AFF3: variants seen among roughly 807,000 people sequenced by gnomAD.
The protein encoded by AFF3 is AF4/FMR2 family member 3.
Under a neutral mutation model 129.7 loss-of-function variants are expected in AFF3, and 32 were observed. That is an observed-to-expected ratio of 0.25 (90% confidence interval 0.19 to 0.33). The LOEUF (loss-of-function observed/expected upper bound fraction) is 0.33, where lower values mean the gene tolerates loss of function less well. Among genes scored for constraint, AFF3 ranks in the 10% least tolerant of loss-of-function variants. AFF3 has a pLI of 1.00. For missense variants in AFF3, 1,373 were observed against 1,592.0 expected (o/e 0.86, Z 2.34); for synonymous variants, 644 against 635.4 (o/e 1.01, Z -0.20).
intron 17 of AFF3, among the ~76,000 whole-genome samples, chr2:99,581,853 G>GTTTT (rs1197222142): frequency 3.3e-5 from 4 of 121,560 alleles, no homozygotes; most frequent in Non-Finnish European, 6.8e-5. Flanking sequence ...AGGTGTTGGA[G>GTTTT]TTTTTTTTTT....
intron 12 of AFF3, 114 bp from the exon 13 acceptor site, chr2:99,649,780 C>T (rs1442047838): frequency 8.8e-7 from 1 of 1,139,396 alleles, no homozygotes; most frequent in South Asian, 1.3e-5. Flanking sequence ...GCCATGTGGC[C>T]AAATTTTAAA....
chr2:99,786,595 G>T (rs1684808810), intron 8 of AFF3, among the ~76,000 whole-genome samples: 2 of 152,180 alleles, frequency 1.3e-5, no homozygotes, highest in South Asian at 4.1e-4. Flanking sequence ...GCTCTGCCCA[G>T]AAATCAGGGG....
intron 11 of AFF3, among the ~76,000 whole-genome samples, chr2:99,686,023 C>T (rs1245274957): frequency 2.6e-5 from 4 of 151,894 alleles, no homozygotes; most frequent in Non-Finnish European, 4.4e-5. Context: ...CCTGTCTCCA[C>T]TAAAAATACA....
intron 2 of AFF3, among the ~76,000 whole-genome samples, chr2:100,122,811 A>T (rs1692034377): frequency 1.3e-5 from 2 of 152,184 alleles, no homozygotes; most frequent in African/African-American, 4.8e-5. Flanking sequence ...GCAATGAGAG[A>T]CTCTGAGAAT....
At chr2:99,983,113 AG>A (rs1483654682) in intron 7 of AFF3, among the ~76,000 whole-genome samples, 1 of 152,236 alleles carries the variant, frequency 6.6e-6, no homozygotes, top group African/African-American at 2.4e-5. Flanking sequence ...CAAGCGTAAG[AG>A]ATTAGAAATG....
chr2:100,047,507 G>A (rs553698088), intron 4 of AFF3, among the ~76,000 whole-genome samples: 24 of 152,222 alleles, frequency 1.6e-4, no homozygotes, highest in African/African-American at 5.1e-4. Flanking sequence ...CCTACACCAC[G>A]AGGATAAACT....
chr2:99,945,228 G>A (rs1675447368), intron 7 of AFF3, among the ~76,000 whole-genome samples: 1 of 152,256 alleles, frequency 6.6e-6, no homozygotes, highest in Admixed American at 6.5e-5. Context: ...AGATGCTGAA[G>A]TCTTCTTTAC....
At chr2:99,727,022 T>G in intron 11 of AFF3, 55 bp downstream of exon 11, 1 of 1,472,420 alleles carries the variant, frequency 6.8e-7, no homozygotes. Flanking sequence ...ACTATCTCAT[T>G]TTATGAGGCA....
chr2:99,667,975 T>C (rs1558722635), intron 12 of AFF3, among the ~76,000 whole-genome samples: 1 of 151,714 alleles, frequency 6.6e-6, no homozygotes, highest in Non-Finnish European at 1.5e-5. Flanking sequence ...GCTAACACAG[T>C]GAAACCCCGT....
intron 7 of AFF3, among the ~76,000 whole-genome samples, chr2:99,974,151 A>T (rs1477066789): frequency 6.6e-6 from 1 of 152,202 alleles, no homozygotes; most frequent in African/African-American, 2.4e-5. Flanking sequence ...TCTTTTCTAA[A>T]TGTCTATTTT....
chr2:99,960,036 T>C (rs1162122809), intron 7 of AFF3, among the ~76,000 whole-genome samples: 1 of 152,094 alleles, frequency 6.6e-6, no homozygotes, highest in African/African-American at 2.4e-5. Flanking sequence ...ACAGAGTGTG[T>C]TGATCAATAA....
At chr2:100,029,371 G>T (rs1684301429) in intron 4 of AFF3, among the ~76,000 whole-genome samples, 2 of 152,136 alleles carry the variant, frequency 1.3e-5, no homozygotes, top group African/African-American at 4.8e-5. Context: ...TGCAGCCAGG[G>T]ACAGAGGCCT....
chr2:99,879,180 A>G (rs1220411617), intron 7 of AFF3, among the ~76,000 whole-genome samples: 2 of 152,158 alleles, frequency 1.3e-5, no homozygotes, highest in Non-Finnish European at 2.9e-5. Flanking sequence ...AAAGATACCT[A>G]TTATTTATGC....
At chr2:99,579,563 T>C (rs1210839070) in intron 17 of AFF3, among the ~76,000 whole-genome samples, 1 of 149,276 alleles carries the variant, frequency 6.7e-6, no homozygotes, top group African/African-American at 2.5e-5. Flanking sequence ...CTACTAAAAA[T>C]ACAAAATTTA....
At chr2:99,597,600 C>T (rs1267272455) in intron 14 of AFF3, among the ~76,000 whole-genome samples, 1 of 152,200 alleles carries the variant, frequency 6.6e-6, no homozygotes, top group Non-Finnish European at 1.5e-5. Flanking sequence ...ATTTTCCCCC[C>T]GACAACCTCA....
Position 99,601,508 on chromosome 2 carries a change from C to G in AFF3, c.1298G>C (p.Gly433Ala), listed in dbSNP as rs1476047199. The G allele has an allele frequency of 1.9e-6, 3 of 1,607,028 alleles. No homozygotes were observed. Among genetic ancestry groups the G allele is most frequent in the East Asian group, 2.2e-5 (1 of 44,686 alleles). The change falls in exon 14 of 25, where the codon GGA becomes GCA. Residue 433 changes from glycine (G) to alanine (A), a missense_variant. Around this residue, in one of 9 missense-constraint regions of AFF3, gnomAD observed 413 missense variants for 424.4 expected, o/e 0.97. Transcript: ENST00000672756. Reference sequence around the variant, plus strand: ...GCTGCTCTCGGTCTCCGAGTCAGATCCGGAGCTGCTCTCTGAGTCGCTGGA... The same window carrying G: ...GCTGCTCTCGGTCTCCGAGTCAGATGCGGAGCTGCTCTCTGAGTCGCTGGA... ...SSSSDSESSS[G>A]SDSETESSSS... is the part of the protein sequence containing the mutation.
chr2:99,609,087 CT>C (rs1362059503), intron 13 of AFF3, among the ~76,000 whole-genome samples: 3 of 151,266 alleles, frequency 2.0e-5, no homozygotes, highest in Admixed American at 6.6e-5. Context: ...CTCAGCCCAC[CT>C]TTTTTTTTCT....
At chr2:99,968,337 AC>A (rs1308226700) in intron 7 of AFF3, among the ~76,000 whole-genome samples, 1 of 152,080 alleles carries the variant, frequency 6.6e-6, no homozygotes, top group Non-Finnish European at 1.5e-5. Context: ...TTTCCTCTCA[AC>A]CATGTATTTT....
At chr2:99,960,732 C>G (rs958512063) in intron 7 of AFF3, among the ~76,000 whole-genome samples, 2 of 152,196 alleles carry the variant, frequency 1.3e-5, no homozygotes, top group African/African-American at 4.8e-5. Context: ...CCAAATTCAG[C>G]CTGGGGCTTG....
Sources: gnomAD v4.1 joint callset for allele counts (sites outside exome capture counted in the v4.1 genomes callset) on GRCh38, gnomAD v4.1.1 for gene constraint, gnomAD v4.1.1 regional missense constraint, MANE v1.5 for transcripts, NCBI Gene and HGNC (gene_info 2026-07-23, HGNC 2026-07-21) for gene names.